Variants in SLC22A5 observed in about 807,000 individuals in gnomAD.
The protein encoded by SLC22A5 is organic cation/carnitine transporter 2.
In SLC22A5, 44 loss-of-function variants were observed where a neutral mutation model predicts 56.7. That is an observed-to-expected ratio of 0.78 (90% CI 0.61 to 1.00). The LOEUF (loss-of-function observed/expected upper bound fraction) is 1.00, where lower values mean the gene tolerates loss of function less well. Among genes scored for constraint, SLC22A5 ranks in the 50% least tolerant of loss-of-function variants. The pLI is 0.00. For missense variants in SLC22A5, 675 were observed against 723.0 expected, an observed-to-expected ratio of 0.93 and a Z score of 0.76; for synonymous variants, 278 against 292.1, an observed-to-expected ratio of 0.95 and a Z score of 0.49.
intron 1 of SLC22A5, chr5:132,375,958 G>A (rs2126772865): frequency 6.6e-6 from 1 of 152,366 alleles, no homozygotes; most frequent in East Asian, 1.9e-4. Flanking sequence ...CAATAAGCTG[G>A]TCTGTAGCAG....
In SLC22A5 at chr5:132,392,413, TCTTTC is replaced by T; in HGVS notation, c.1268-15_1268-11del. 1 of 1,613,022 alleles carries T rather than the reference TCTTTC, an allele frequency of 6.2e-7. No individual in the cohort carries two copies. Among genetic ancestry groups the T allele is most frequent in the Non-Finnish European group, 8.5e-7 (1 of 1,178,948 alleles). On this transcript the variant is annotated splice_polypyrimidine_tract_variant and intron_variant, in intron 7 of 9. Transcript: ENST00000245407. ...CATGGGTTGGTACCTACTCCTACCC[TCTTTC>T]CTTTGCTTCTCCAGACTTGTATTAT...
chr5:132,393,785 C>T lies in SLC22A5; in HGVS notation c.1560C>T (p.Thr520=), dbSNP rs768082057. 1 of 1,614,134 alleles carries T rather than the reference C, an allele frequency of 6.2e-7. No homozygotes were observed. Among genetic ancestry groups the T allele is most frequent in the Non-Finnish European group, 8.5e-7 (1 of 1,180,010 alleles). ...GCTTCGGTACCCCACTCCCAGACACCATTGACCAGATGCTAAGAGTCAAAG... is the reference window on the plus strand; with the variant it reads ...GCTTCGGTACCCCACTCCCAGACACTATTGACCAGATGCTAAGAGTCAAAG... ...PESFGTPLPD[T]IDQMLRVKGM... is the part of the protein sequence containing the mutation. The change falls in exon 9 of 10, where the codon ACC becomes ACT. Residue 520 remains threonine, a synonymous_variant. Transcript: ENST00000245407.
At chr5:132,370,511 C>T (rs1423119774) in intron 1 of SLC22A5, 146 bp downstream of exon 1, 2 of 969,982 alleles carry the variant, frequency 2.1e-6, no homozygotes, top group Non-Finnish European at 3.0e-6. Flanking sequence ...TGGAGACCCT[C>T]CAGCCAGGTG....
At chr5:132,388,278 T>C (rs536014328) in intron 5 of SLC22A5, among the ~76,000 whole-genome samples, 10 of 152,340 alleles carry the variant, frequency 6.6e-5, no homozygotes, top group Admixed American at 2.0e-4. Flanking sequence ...AGTTGACCTT[T>C]TGTTGAACTT....
intron 1 of SLC22A5, among the ~76,000 whole-genome samples, chr5:132,372,959 C>G (rs1268281672): frequency 6.6e-6 from 1 of 152,190 alleles, no homozygotes; most frequent in East Asian, 1.9e-4. Context: ...ATTTTTTCCA[C>G]TGAAGACTGG....
In SLC22A5 at chr5:132,370,139, C is replaced by G; in HGVS notation, c.167C>G (p.Ala56Gly). 4 of 1,609,980 alleles carry G rather than the reference C, an allele frequency of 2.5e-6. No homozygotes were observed. The highest frequency in any genetic ancestry group is 1.1e-5 in the South Asian group (1 of 90,808). Reference protein sequence around the residue: ...PEHRCRVPDAANLSSAWRNHT... With the variant: ...PEHRCRVPDAGNLSSAWRNHT... ...CACCGCTGCCGGGTGCCGGACGCCG[C>G]GAACCTGAGCAGCGCCTGGCGCAAC... Residue 56 changes from alanine (A) to glycine (G), a missense_variant, in exon 1 of 10, where the codon GCG becomes GGG. Coordinates refer to ENST00000245407, the MANE Select transcript of SLC22A5 (RefSeq NM_003060.4).
chr5:132,383,654 T>C, intron 2 of SLC22A5: 1 of 199,122 alleles, frequency 5.0e-6, no homozygotes, highest in South Asian at 9.0e-5. Context: ...TCTAATTTTA[T>C]TACCTTTTCA....
rs1230355933 is a variant in SLC22A5 at position 132,387,021 on chromosome 5, C to T, written c.825-4C>T. On this transcript the variant is annotated splice_polypyrimidine_tract_variant and splice_region_variant and intron_variant, in intron 4 of 9. Coordinates refer to ENST00000245407, the MANE Select transcript of SLC22A5 (RefSeq NM_003060.4). ...CTCACTGAGATTGGACCTTGTACTG[C>T]CAGGTTCATCCCTGAGTCCCCCCGA... 4 of 1,614,110 alleles carry T rather than the reference C, an allele frequency of 2.5e-6. No homozygotes were observed. The highest frequency in any genetic ancestry group is 2.5e-6 in the Non-Finnish European group (3 of 1,179,974).
intron 1 of SLC22A5, among the ~76,000 whole-genome samples, chr5:132,373,068 C>G (rs1375273056): frequency 2.0e-5 from 3 of 152,114 alleles, no homozygotes; most frequent in African/African-American, 7.2e-5. Context: ...TTGCGTCTTC[C>G]TCAATTTCTG....
At position 132,390,816 on chromosome 5, in the gene SLC22A5, GC is replaced by G. The variant is rs1204364482; in HGVS notation, c.1180del (p.Leu394CysfsTer39). The G allele has an allele frequency of 6.2e-7, 1 of 1,614,212 alleles. No individual in the cohort carries two copies. Among genetic ancestry groups the G allele is most frequent in the South Asian group, 1.1e-5 (1 of 91,090 alleles). On this transcript the variant is annotated frameshift_variant, in exon 7 of 10. Transcript: ENST00000245407. LOFTEE classifies it high-confidence loss of function. ...CAGCATATGTGTTGGCCTGGCTGCT[GC>G]TGCAATATTTGCCCCGGCGCTATTC... is the stretch of plus-strand genomic sequence containing the variant. ...VPAYVLAWLL[L>X]QYLPRRYSMA...
In SLC22A5 at chr5:132,392,615, G is replaced by A; in HGVS notation, c.1450G>A (p.Gly484Ser). Residue 484 changes from glycine to serine, a missense_variant and splice_region_variant, in exon 8 of 10, where the codon GGT becomes AGT. Transcript: ENST00000245407. ...CCTGTCTCCCTACTTCGTTTACCTT[G>A]GTAAGTCCCATGAGCCAAGGGCACA... ...SILSPYFVYL[G>S]AYDRFLPYIL... The A allele has an allele frequency of 3.1e-6, 5 of 1,613,780 alleles. No homozygotes were observed. Among genetic ancestry groups the A allele is most frequent in the Non-Finnish European group, 4.2e-6 (5 of 1,179,918 alleles).
rs1752787996 is a variant in SLC22A5 at position 132,393,799 on chromosome 5, T to C, written c.1574T>C (p.Leu525Pro). ...TPLPDTIDQMLRVKGMKHRKT... is the reference protein window; with the variant it reads ...TPLPDTIDQMPRVKGMKHRKT... ...CTCCCAGACACCATTGACCAGATGC[T>C]AAGAGTCAAAGGGTAAGAAGACCTC... Residue 525 changes from leucine to proline, a missense_variant, in exon 9 of 10, where the codon CTA becomes CCA. Transcript: ENST00000245407. The C allele has an allele frequency of 1.2e-6, 2 of 1,614,006 alleles. No individual in the cohort carries two copies. The highest frequency in any genetic ancestry group is 1.3e-5 in the African/African-American group (1 of 74,906).
rs752838947 is a variant in SLC22A5 at position 132,388,985 on chromosome 5, A to G, written c.1016A>G (p.Asn339Ser). The change falls in exon 6 of 10, where the codon AAT (asparagine) becomes AGT (serine). Residue 339 changes from asparagine (N) to serine (S), a missense_variant. Physicochemically the swap from Asn to Ser is conservative, Grantham distance 46 (BLOSUM62 1). Coordinates refer to ENST00000245407, the MANE Select transcript of SLC22A5 (RefSeq NM_003060.4). ...HNILDLLRTW[N>S]IRMVTIMSIM... ...ATTCTGGATCTGCTTCGAACCTGGA[A>G]TATCCGGATGGTCACCATCATGTCC... is the stretch of plus-strand genomic sequence containing the variant. 3.7e-6 allele frequency: 6 copies of G among 1,613,470 alleles called. No individual in the cohort carries two copies. The South Asian group carries it at 6.6e-5, about 18-fold the overall frequency.
rs1751834531 is a variant in SLC22A5 at position 132,370,106 on chromosome 5, C to T, written c.134C>T (p.Thr45Ile). 1.2e-6 allele frequency: 2 copies of T among 1,612,000 alleles called. No individual in the cohort carries two copies. Among genetic ancestry groups the T allele is most frequent in the Non-Finnish European group, 1.7e-6 (2 of 1,179,400 alleles). ...CTGTCCTCCGTGTTCCTGATAGCGA[C>T]CCCGGAGCACCGCTGCCGGGTGCCG... is the stretch of plus-strand genomic sequence containing the variant. ...TGLSSVFLIA[T>I]PEHRCRVPDA... The change falls in exon 1 of 10, where the codon ACC becomes ATC. Residue 45 changes from threonine (T) to isoleucine (I), a missense_variant. Transcript: ENST00000245407.
At chr5:132,383,592 A>G (rs1752421694) in intron 2 of SLC22A5, 1 of 160,778 alleles carries the variant, frequency 6.2e-6, no homozygotes, top group African/African-American at 2.4e-5. Flanking sequence ...AACAGTAATT[A>G]GTATATAATG....
intron 2 of SLC22A5, chr5:132,381,478 T>C (rs1054089419): frequency 6.6e-6 from 1 of 152,232 alleles, no homozygotes; most frequent in Non-Finnish European, 1.5e-5. Flanking sequence ...AGCTTCTGAG[T>C]GCATTACTTC....
chr5:132,377,248 C>T (rs1489582734), intron 1 of SLC22A5: 1 of 152,334 alleles, frequency 6.6e-6, no homozygotes, highest in Admixed American at 6.5e-5. Flanking sequence ...GCTTGTTTTT[C>T]CCTGTCACTG....
Position 132,387,053 on chromosome 5 carries a change from A to C in SLC22A5, c.853A>C (p.Ile285Leu). 6.2e-7 allele frequency: 1 copy of C among 1,614,112 alleles called. No homozygotes were observed. Among genetic ancestry groups the C allele is most frequent in the African/African-American group, 1.3e-5 (1 of 75,026 alleles). ...CATCCCTGAGTCCCCCCGATGGCTCATCTCTCAGGGACGATTTGAAGAGGC... is the reference window on the plus strand; with the variant it reads ...CATCCCTGAGTCCCCCCGATGGCTCCTCTCTCAGGGACGATTTGAAGAGGC... ...WFIPESPRWL[I>L]SQGRFEEAEV... The change falls in exon 5 of 10, where the codon ATC becomes CTC. Residue 285 changes from isoleucine (I) to leucine (L), a missense_variant. Transcript: ENST00000245407.
rs144477770 is a variant in SLC22A5 at position 132,392,885 on chromosome 5, G to T, written c.1450+270G>T. Among the ~76,000 whole-genome samples the T allele has an allele frequency of 3.1e-3, 475 of 152,294 alleles. 2 individuals are homozygous for T. The highest frequency in any genetic ancestry group is 0.011 in the African/African-American group (450 of 41,562). ...TAGCCATCCCAGGCCTTCCATCAGA[G>T]ACTACAATTCCTTTATCCTAAGAAC... On this transcript the variant is annotated intron_variant, in intron 8 of 9. Coordinates refer to ENST00000245407, the MANE Select transcript of SLC22A5 (RefSeq NM_003060.4).
Sources: allele counts gnomAD v4.1 joint callset (sites outside exome capture counted in the v4.1 genomes callset), GRCh38; gene constraint gnomAD v4.1.1; transcripts MANE v1.5; gene names NCBI Gene and HGNC (gene_info 2026-07-23, HGNC 2026-07-21).